NEK5: variants seen among roughly 807,000 people sequenced by gnomAD.
The protein encoded by NEK5 is NIMA related kinase 5.
A neutral mutation model predicts 109.2 loss-of-function variants in NEK5; 88 were observed. The observed-to-expected ratio is 0.81, with a 90% CI of 0.68 to 0.96. NEK5 has a LOEUF of 0.96. NEK5 is among the 40% of genes least tolerant of loss of function. The pLI is 0.00. For missense variants in NEK5, 834 were observed against 920.7 expected (o/e 0.91, Z 1.22); for synonymous variants, 283 against 299.9 (o/e 0.94, Z 0.58).
At chr13:52,047,505 T>G (rs1249306439) in intron 23 of NEK5, among the ~76,000 whole-genome samples, 1 of 152,178 alleles carries the variant, frequency 6.6e-6, no homozygotes, top group Non-Finnish European at 1.5e-5. Context: ...AAGGGTCTAC[T>G]TAAAAAATTT....
At chr13:52,078,201 T>C (rs1314650762) in intron 17 of NEK5, among the ~76,000 whole-genome samples, 4 of 152,062 alleles carry the variant, frequency 2.6e-5, no homozygotes, top group Admixed American at 1.3e-4. Context: ...ATTCATACAA[T>C]AGAATATACT....
At chr13:52,095,545 A>C (rs1955391366) in intron 12 of NEK5, among the ~76,000 whole-genome samples, 1 of 152,238 alleles carries the variant, frequency 6.6e-6, no homozygotes, top group Non-Finnish European at 1.5e-5. Flanking sequence ...TACAGGTCTG[A>C]TAAAGAGTCC....
chr13:52,086,573 T>C (rs939704317), intron 15 of NEK5, among the ~76,000 whole-genome samples: 1 of 152,248 alleles, frequency 6.6e-6, no homozygotes, highest in African/African-American at 2.4e-5. Flanking sequence ...CTCAATTTTA[T>C]ATATAACCCA....
intron 19 of NEK5, among the ~76,000 whole-genome samples, chr13:52,073,218 T>A (rs1954810900): frequency 6.6e-6 from 1 of 151,950 alleles, no homozygotes; most frequent in Non-Finnish European, 1.5e-5. Flanking sequence ...AAAAGTAAAT[T>A]AAAATGTAAT....
At chr13:52,040,537 CT>C (rs1172961267) in intron 23 of NEK5, among the ~76,000 whole-genome samples, 1 of 152,172 alleles carries the variant, frequency 6.6e-6, no homozygotes, top group South Asian at 2.1e-4. Context: ...CTATATTTTT[CT>C]TATGTTTGGA....
intron 17 of NEK5, among the ~76,000 whole-genome samples, chr13:52,082,485 C>G (rs1955034926): frequency 6.6e-6 from 1 of 152,134 alleles, no homozygotes; most frequent in Non-Finnish European, 1.5e-5. Context: ...CATTGTTTAT[C>G]AGGTCATTTC....
intron 12 of NEK5, among the ~76,000 whole-genome samples, chr13:52,097,635 C>A (rs987692613): frequency 6.6e-6 from 1 of 152,166 alleles, no homozygotes; most frequent in African/African-American, 2.4e-5. Context: ...TTGGAAGTAA[C>A]TAACTTGTTT....
intron 23 of NEK5, among the ~76,000 whole-genome samples, chr13:52,048,151 C>A (rs1954474694): frequency 6.6e-6 from 1 of 152,176 alleles, no homozygotes; most frequent in Admixed American, 6.5e-5. Context: ...ATGCTCCCAA[C>A]ACACAGAAAC....
chr13:52,103,092 G>A (rs1193042735), intron 9 of NEK5, among the ~76,000 whole-genome samples: 1 of 152,092 alleles, frequency 6.6e-6, no homozygotes, highest in Non-Finnish European at 1.5e-5. Context: ...GAAACCAATA[G>A]TTATTTATAC....
chr13:52,073,745 G>T (rs189769004), intron 19 of NEK5, among the ~76,000 whole-genome samples: 15 of 152,230 alleles, frequency 9.9e-5, no homozygotes, highest in Non-Finnish European at 1.9e-4. Context: ...CGACCCAAAG[G>T]TTCCTGGAAC....
In NEK5 at chr13:52,102,014, C is replaced by T. The variant is rs1402757766; in HGVS notation, c.811G>A (p.Val271Ile). ...NLIPKYLTPE[V>I]IQEEFSHMLI... ...ATGTGACTGAATTCTTCCTGAATGACCTAAAACCGAACACACGTGTCAAGG... is the reference window on the plus strand; with the variant it reads ...ATGTGACTGAATTCTTCCTGAATGATCTAAAACCGAACACACGTGTCAAGG... The change falls in exon 11 of 24, where the codon GTC becomes ATC. Residue 271 changes from valine to isoleucine, a missense_variant and splice_region_variant. By Grantham distance (29) the Val-to-Ile change is conservative. Coordinates refer to ENST00000684899, the MANE Select transcript of NEK5 (RefSeq NM_001365552.1). The T allele has an allele frequency of 6.2e-7, 1 of 1,613,990 alleles. No individual in the cohort carries two copies. Among genetic ancestry groups the T allele is most frequent in the Non-Finnish European group, 8.5e-7 (1 of 1,179,972 alleles).
chr13:52,080,024 C>A (rs2137842942), intron 17 of NEK5, among the ~76,000 whole-genome samples: 1 of 151,850 alleles, frequency 6.6e-6, no homozygotes, highest in Non-Finnish European at 1.5e-5. Flanking sequence ...CTCCGCCTGG[C>A]AACCGCCCCG....
intron 16 of NEK5, among the ~76,000 whole-genome samples, chr13:52,085,458 A>G (rs1211337533): frequency 6.6e-5 from 10 of 152,202 alleles, no homozygotes; most frequent in Non-Finnish European, 1.5e-4. Flanking sequence ...CCATACATTC[A>G]TTTGACTTAT....
rs911101709 is a variant in NEK5 at position 52,123,750 on chromosome 13, G to A, written c.117+3616C>T. 3.2e-4 allele frequency among the ~76,000 whole-genome samples: 49 copies of A among 152,024 alleles called. 1 individual carries two copies. Among genetic ancestry groups the A allele is most frequent in the African/African-American group, 1.2e-3 (49 of 41,546 alleles). On this transcript the variant is annotated intron_variant, in intron 3 of 23. Coordinates refer to ENST00000684899, the MANE Select transcript of NEK5 (RefSeq NM_001365552.1). ...AAAGAAAGCAGTCAGTACTATAACAGAGGTTCCAATAAAAGTTATGCAAGT... is the reference window on the plus strand; with the variant it reads ...AAAGAAAGCAGTCAGTACTATAACAAAGGTTCCAATAAAAGTTATGCAAGT...
chr13:52,105,070 ATATT>A (rs1429137229), intron 8 of NEK5, among the ~76,000 whole-genome samples: 2 of 152,246 alleles, frequency 1.3e-5, no homozygotes, highest in African/African-American at 4.8e-5. Flanking sequence ...TACTTCATAA[ATATT>A]TATATGTGAT....
intron 19 of NEK5, among the ~76,000 whole-genome samples, chr13:52,074,305 T>C (rs1018160027): frequency 6.6e-6 from 1 of 151,922 alleles, no homozygotes; most frequent in Non-Finnish European, 1.5e-5. Flanking sequence ...AGGAACAGAA[T>C]AGAGAACCCA....
At chr13:52,077,792 T>C (rs773093679) in intron 17 of NEK5, among the ~76,000 whole-genome samples, 2 of 152,162 alleles carry the variant, frequency 1.3e-5, no homozygotes, top group South Asian at 2.1e-4. Context: ...TTGTACATGA[T>C]AGCCAGGCAC....
intron 3 of NEK5, among the ~76,000 whole-genome samples, chr13:52,123,801 A>G (rs1345414626): frequency 6.8e-6 from 1 of 147,368 alleles, no homozygotes; most frequent in Non-Finnish European, 1.5e-5. Flanking sequence ...AATTCTTTAG[A>G]GTGGGAGGAT....
chr13:52,050,238 G>C lies in NEK5; in HGVS notation c.2111-17C>G, dbSNP rs1397857592. On this transcript the variant is annotated splice_polypyrimidine_tract_variant and intron_variant, in intron 22 of 23. Transcript: ENST00000684899. ...TTCCCATTGCTAAAGAAATGACAGAGAAAGATATGAAAGCATCCCAGCCTA... is the reference window on the plus strand; with the variant it reads ...TTCCCATTGCTAAAGAAATGACAGACAAAGATATGAAAGCATCCCAGCCTA... The C allele has an allele frequency of 1.1e-6, 1 of 921,866 alleles. No homozygotes were observed. The highest frequency in any genetic ancestry group is 1.3e-6 in the Non-Finnish European group (1 of 771,742). 57.1% of individuals were successfully genotyped at this position (921,866 alleles called of 1,614,324 possible).
Sources: gnomAD v4.1 joint callset for allele counts (sites outside exome capture counted in the v4.1 genomes callset) on GRCh38, gnomAD v4.1.1 for gene constraint, MANE v1.5 for transcripts, NCBI Gene and HGNC (gene_info 2026-07-23, HGNC 2026-07-21) for gene names.